GPC5: variants seen among roughly 807,000 people sequenced by gnomAD.
GPC5 encodes the protein glypican 5.
GPC5 carries 47 observed loss-of-function variants against 53.9 expected under a neutral mutation model. The observed-to-expected ratio is 0.87, with a 90% CI of 0.69 to 1.11. The LOEUF (loss-of-function observed/expected upper bound fraction) is 1.11, where lower values mean the gene tolerates loss of function less well. Ranked by LOEUF, GPC5 falls within the 50% of genes most tolerant of loss-of-function variation. The pLI, the probability that GPC5 is intolerant of heterozygous loss-of-function variation, is 0.00. For missense variants in GPC5, 748 were observed against 713.1 expected, an observed-to-expected ratio of 1.05 and a Z score of -0.56; for synonymous variants, 286 against 263.3, an observed-to-expected ratio of 1.09 and a Z score of -0.84.
At chr13:92,675,279 C>G (rs1045452635) in intron 7 of GPC5, among the ~76,000 whole-genome samples, 1 of 152,094 alleles carries the variant, frequency 6.6e-6, no homozygotes. Context: ...TAATTTGTCT[C>G]TTACCAATTC....
chr13:91,704,037 T>G (rs897138976), intron 3 of GPC5, among the ~76,000 whole-genome samples: 1 of 152,184 alleles, frequency 6.6e-6, no homozygotes, highest in African/African-American at 2.4e-5. Context: ...AATGTTTCCT[T>G]ATTGATTTTC....
intron 2 of GPC5, among the ~76,000 whole-genome samples, chr13:91,495,962 G>A (rs1594165656): frequency 6.6e-6 from 1 of 152,080 alleles, no homozygotes; most frequent in Admixed American, 6.5e-5. Flanking sequence ...GGCAGAGGTT[G>A]CAGTGAGCCG....
chr13:92,620,207 A>G (rs1884826065), intron 7 of GPC5, among the ~76,000 whole-genome samples: 1 of 152,148 alleles, frequency 6.6e-6, no homozygotes, highest in Non-Finnish European at 1.5e-5. Context: ...TGGCGGAAAG[A>G]AAAAGATTAC....
intron 7 of GPC5, among the ~76,000 whole-genome samples, chr13:92,196,485 C>A (rs1228301781): frequency 1.3e-5 from 2 of 152,058 alleles, no homozygotes; most frequent in Admixed American, 6.6e-5. Flanking sequence ...TATATTTAAT[C>A]AGCCCTAAAA....
At chr13:91,568,143 T>TCCTTTGTTTATA (rs1366095887) in intron 2 of GPC5, among the ~76,000 whole-genome samples, 1 of 152,168 alleles carries the variant, frequency 6.6e-6, no homozygotes, top group Admixed American at 6.6e-5. Context: ...TTTATAAACC[T>TCCTTTGTTTATA]CCTTTGTTTA....
At chr13:92,522,418 C>T (rs1177589677) in intron 7 of GPC5, among the ~76,000 whole-genome samples, 3 of 152,152 alleles carry the variant, frequency 2.0e-5, no homozygotes, top group African/African-American at 7.2e-5. Context: ...CGCATATACA[C>T]CATGGAATAC....
chr13:91,568,255 C>A (rs906056445), intron 2 of GPC5, among the ~76,000 whole-genome samples: 45 of 152,274 alleles, frequency 3.0e-4, no homozygotes, highest in African/African-American at 9.9e-4. Context: ...CTATGACTGG[C>A]AGCATTGTCA....
rs373884400 is a variant in GPC5, at chr13:91,435,865, G to T, written c.164-12896G>T. On this transcript the variant is annotated intron_variant, in intron 1 of 7. Transcript: ENST00000377067. ...CATTAATTATTGCCTGAATTTCAGA[G>T]CCTGTTATTGGTCTATTCAGAGATT... 3.1e-3 allele frequency among the ~76,000 whole-genome samples: 468 copies of T among 152,260 alleles called. 16 individuals carry two copies. In the South Asian group the frequency reaches 0.08, roughly 26 times the overall value.
intron 7 of GPC5, among the ~76,000 whole-genome samples, chr13:92,370,766 ATGATTAGTTTATT>A (rs2043643804): frequency 1.3e-5 from 2 of 152,186 alleles, no homozygotes; most frequent in Admixed American, 1.3e-4. Flanking sequence ...TATATTTTAT[ATGATTAGTTTATT>A]ATATTTTGTT....
intron 2 of GPC5, among the ~76,000 whole-genome samples, chr13:91,469,372 G>T (rs114687410): frequency 6.6e-6 from 1 of 152,114 alleles, no homozygotes; most frequent in Non-Finnish European, 1.5e-5. Context: ...GCCTTCCAAA[G>T]TGTTGAGATT....
At chr13:92,522,427 A>G (rs1479676411) in intron 7 of GPC5, among the ~76,000 whole-genome samples, 1 of 152,210 alleles carries the variant, frequency 6.6e-6, no homozygotes, top group Non-Finnish European at 1.5e-5. Flanking sequence ...ACCATGGAAT[A>G]CTATGCAGCC....
chr13:91,918,823 TC>T (rs1241937096), intron 6 of GPC5, among the ~76,000 whole-genome samples: 3 of 152,144 alleles, frequency 2.0e-5, no homozygotes, highest in Admixed American at 1.3e-4. Context: ...TCTCTTTATT[TC>T]CTTTAAATGC....
At chr13:92,703,445 T>C (rs1297350887) in intron 7 of GPC5, among the ~76,000 whole-genome samples, 2 of 151,650 alleles carry the variant, frequency 1.3e-5, no homozygotes, top group Non-Finnish European at 2.9e-5. Flanking sequence ...GGAAAAGCAA[T>C]ATTATATCTG....
intron 7 of GPC5, among the ~76,000 whole-genome samples, chr13:92,617,217 G>A (rs543767154): frequency 6.6e-6 from 1 of 152,206 alleles, no homozygotes; most frequent in South Asian, 2.1e-4. Flanking sequence ...TTCTATCAGA[G>A]GTTGTCCGCT....
chr13:92,548,328 T>C (rs1041171508), intron 7 of GPC5, among the ~76,000 whole-genome samples: 1 of 151,490 alleles, frequency 6.6e-6, no homozygotes, highest in African/African-American at 2.4e-5. Context: ...AGAATTAATG[T>C]TATCAAAATG....
intron 5 of GPC5, among the ~76,000 whole-genome samples, chr13:91,762,434 A>G (rs1055745247): frequency 6.6e-6 from 1 of 151,732 alleles, no homozygotes; most frequent in East Asian, 1.9e-4. Flanking sequence ...CCTAGTTTCC[A>G]AAAGTTTTGA....
intron 6 of GPC5, among the ~76,000 whole-genome samples, chr13:91,944,311 T>C (rs769244767): frequency 6.6e-6 from 1 of 152,174 alleles, no homozygotes; most frequent in Non-Finnish European, 1.5e-5. Flanking sequence ...TTAGCCAGGA[T>C]GGTCTCGATC....
At chr13:92,262,362 G>T (rs1319654933) in intron 7 of GPC5, among the ~76,000 whole-genome samples, 2 of 152,084 alleles carry the variant, frequency 1.3e-5, no homozygotes, top group Admixed American at 1.3e-4. Context: ...TGGTCTATTT[G>T]AATAATGTGA....
chr13:92,205,202 T>C (rs2042324986), intron 7 of GPC5, among the ~76,000 whole-genome samples: 1 of 152,082 alleles, frequency 6.6e-6, no homozygotes, highest in African/African-American at 2.4e-5. Flanking sequence ...TGTTTGTTTG[T>C]TTATTTGTTT....
Sources: gnomAD v4.1 joint callset for allele counts (sites outside exome capture counted in the v4.1 genomes callset) on GRCh38, gnomAD v4.1.1 for gene constraint, MANE v1.5 for transcripts, NCBI Gene and HGNC (gene_info 2026-07-23, HGNC 2026-07-21) for gene names.